PCDH15: variants seen among roughly 807,000 people sequenced by gnomAD.
The protein encoded by PCDH15 is protocadherin-15.
PCDH15 carries 129 observed loss-of-function variants against 178.5 expected under a neutral mutation model. The ratio of observed to expected loss-of-function variants is 0.72; its 90% confidence interval spans 0.63 to 0.84. PCDH15 has a LOEUF of 0.84. PCDH15 is among the 40% of genes least tolerant of loss of function. The pLI is 0.00. For synonymous variants in PCDH15, 800 were observed against 732.0 expected (o/e 1.09, Z -1.50); for missense variants, 2,230 against 2,099.9 (o/e 1.06, Z -1.21).
At chr10:53,979,545 C>A (rs1217012147) in intron 21 of PCDH15, among the ~76,000 whole-genome samples, 1 of 152,166 alleles carries the variant, frequency 6.6e-6, no homozygotes, top group African/African-American at 2.4e-5. Flanking sequence ...CAATCTATAA[C>A]CTATAAATAT....
intron 8 of PCDH15, among the ~76,000 whole-genome samples, chr10:54,264,662 T>A (rs1317110231): frequency 1.3e-5 from 2 of 151,974 alleles, no homozygotes; most frequent in Non-Finnish European, 1.5e-5. Context: ...AAGGAAAAAA[T>A]TCATAGCTTG....
chr10:55,161,012 C>T (rs552441656), intron 2 of PCDH15, among the ~76,000 whole-genome samples: 1 of 152,084 alleles, frequency 6.6e-6, no homozygotes. Flanking sequence ...CATATTATTA[C>T]GTGCAGTAGA....
intron 8 of PCDH15, among the ~76,000 whole-genome samples, chr10:54,242,418 C>T (rs1037982800): frequency 7.3e-5 from 11 of 151,336 alleles, no homozygotes; most frequent in Non-Finnish European, 1.3e-4. Context: ...AAGTCATGAT[C>T]CATAGAACAA....
intron 2 of PCDH15, among the ~76,000 whole-genome samples, chr10:55,101,178 A>G (rs1842566666): frequency 6.6e-6 from 1 of 152,036 alleles, no homozygotes; most frequent in Non-Finnish European, 1.5e-5. Context: ...CAGGAGTTTG[A>G]GATCAGCCTG....
chr10:54,272,124 T>G (rs941413469), intron 8 of PCDH15, among the ~76,000 whole-genome samples: 8 of 148,072 alleles, frequency 5.4e-5, no homozygotes, highest in Middle Eastern at 3.5e-3. Flanking sequence ...GGGTATAAAT[T>G]CACCTAGTAT....
At chr10:54,175,539 ATAG>A (rs1326274542) in intron 13 of PCDH15, among the ~76,000 whole-genome samples, 2 of 152,274 alleles carry the variant, frequency 1.3e-5, no homozygotes, top group Admixed American at 1.3e-4. Context: ...CATGCATGTG[ATAG>A]TAGTTTATAT....
chr10:54,575,307 A>G (rs7070440), intron 2 of PCDH15: 142,762 of 152,514 alleles, frequency 0.94, 67,098 homozygotes, highest in Non-Finnish European at 0.98. Context: ...TAATAAAAAA[A>G]AAAACTGAAA....
chr10:55,184,164 G>T (rs985387196), intron 1 of PCDH15, among the ~76,000 whole-genome samples: 1 of 151,892 alleles, frequency 6.6e-6, no homozygotes, highest in Non-Finnish European at 1.5e-5. Flanking sequence ...AGCTAGATGT[G>T]GTTTTATGCA....
intron 2 of PCDH15, among the ~76,000 whole-genome samples, chr10:55,414,558 C>T (rs190068809): frequency 1.3e-5 from 2 of 151,668 alleles, no homozygotes; most frequent in South Asian, 4.1e-4. Context: ...CAATTTAATT[C>T]TCAATGCTTT....
chr10:54,301,824 C>T (rs2060167136), intron 8 of PCDH15, among the ~76,000 whole-genome samples: 1 of 152,178 alleles, frequency 6.6e-6, no homozygotes. Flanking sequence ...AATGGTTACA[C>T]ATGTAACACT....
intron 2 of PCDH15, among the ~76,000 whole-genome samples, chr10:55,107,839 C>T (rs1428583510): frequency 6.6e-6 from 1 of 151,642 alleles, no homozygotes; most frequent in Non-Finnish European, 1.5e-5. Context: ...AATCAATTTG[C>T]TTTCTGTTTA....
At chr10:54,589,744 G>A (rs1396159783) in intron 2 of PCDH15, among the ~76,000 whole-genome samples, 1 of 151,864 alleles carries the variant, frequency 6.6e-6, no homozygotes, top group East Asian at 1.9e-4. Context: ...GGGACTACAG[G>A]TGCCCACCAC....
intron 3 of PCDH15, among the ~76,000 whole-genome samples, chr10:54,493,394 C>A (rs1357628704): frequency 6.6e-6 from 1 of 152,058 alleles, no homozygotes; most frequent in Non-Finnish European, 1.5e-5. Flanking sequence ...CATTTTACAT[C>A]AGAGTACCTT....
chr10:54,655,301 A>AGG (rs2094371405), intron 2 of PCDH15, among the ~76,000 whole-genome samples: 1 of 106,924 alleles, frequency 9.4e-6, no homozygotes, highest in African/African-American at 3.5e-5. Context: ...AGAGAGAGAG[A>AGG]GACAGAGAGA....
intron 1 of PCDH15, among the ~76,000 whole-genome samples, chr10:55,266,347 C>G (rs1443586066): frequency 6.6e-6 from 1 of 152,090 alleles, no homozygotes; most frequent in African/African-American, 2.4e-5. Flanking sequence ...AACAACACCC[C>G]CTGTCACCAG....
chr10:53,924,359 G>T (rs1428402075), intron 25 of PCDH15, among the ~76,000 whole-genome samples: 1 of 152,210 alleles, frequency 6.6e-6, no homozygotes, highest in African/African-American at 2.4e-5. Flanking sequence ...GGGTCCCCCA[G>T]CAGTGCAGGC....
chr10:54,283,534 C>A (rs191205929), intron 8 of PCDH15, among the ~76,000 whole-genome samples: 221 of 151,896 alleles, frequency 1.5e-3, no homozygotes, highest in African/African-American at 4.0e-3. Flanking sequence ...AGCTAGCTAG[C>A]TAGCTAGATA....
intron 1 of PCDH15, among the ~76,000 whole-genome samples, chr10:55,255,260 T>A (rs1317977135): frequency 6.6e-6 from 1 of 151,980 alleles, no homozygotes; most frequent in Admixed American, 6.6e-5. Flanking sequence ...GCTTCATCCA[T>A]GTCCCTACAA....
intron 3 of PCDH15, among the ~76,000 whole-genome samples, chr10:54,819,498 C>G (rs181027423): frequency 1.6e-3 from 239 of 152,000 alleles, no homozygotes; most frequent in African/African-American, 5.4e-3. Flanking sequence ...CTAGATATTA[C>G]TAATGTTTAT....
Sources: allele counts gnomAD v4.1 joint callset (sites outside exome capture counted in the v4.1 genomes callset), GRCh38; gene constraint gnomAD v4.1.1; transcripts MANE v1.5; gene names NCBI Gene and HGNC (gene_info 2026-07-23, HGNC 2026-07-21).